Variants in PARD3 observed in about 807,000 individuals in gnomAD.
PARD3 encodes partitioning defective 3 homolog.
Under a neutral mutation model 155.4 loss-of-function variants are expected in PARD3, and 75 were observed. That is an observed-to-expected ratio of 0.48 (90% confidence interval 0.40 to 0.58). The LOEUF (loss-of-function observed/expected upper bound fraction) is 0.58. Among genes scored for constraint, PARD3 ranks in the 20% least tolerant of loss-of-function variants. The probability of loss-of-function intolerance (pLI) is 0.00; values close to 1 mark genes in which losing one functional copy is unlikely to be tolerated. For missense variants in PARD3, 1,642 were observed against 1,721.7 expected (o/e 0.95, Z 0.82); for synonymous variants, 576 against 610.5 (o/e 0.94, Z 0.83).
intron 5 of PARD3, among the ~76,000 whole-genome samples, chr10:34,441,203 G>A (rs183239378): frequency 2.9e-4 from 44 of 152,194 alleles, no homozygotes; most frequent in Non-Finnish European, 4.1e-4. Flanking sequence ...TTAAGAAAAC[G>A]AGATACCCAA....
chr10:34,572,353 AG>A (rs1186916783), intron 2 of PARD3, among the ~76,000 whole-genome samples: 1 of 152,208 alleles, frequency 6.6e-6, no homozygotes, highest in East Asian at 1.9e-4. Context: ...TAAAACCTAA[AG>A]AGGTGCAGAC....
chr10:34,803,265 A>C (rs1843000016), intron 1 of PARD3, among the ~76,000 whole-genome samples: 2 of 151,584 alleles, frequency 1.3e-5, no homozygotes, highest in African/African-American at 4.8e-5. Flanking sequence ...ACAAAAAAAA[A>C]AAAATAGAAG....
chr10:34,414,137 GC>G (rs1310120675), intron 5 of PARD3, among the ~76,000 whole-genome samples: 2 of 151,712 alleles, frequency 1.3e-5, no homozygotes, highest in Admixed American at 1.3e-4. Flanking sequence ...GGTCAACACT[GC>G]AGTGAGCTAT....
At chr10:34,366,342 AG>A in intron 12 of PARD3, among the ~76,000 whole-genome samples, 1 of 152,310 alleles carries the variant, frequency 6.6e-6, no homozygotes, top group South Asian at 2.1e-4. Context: ...TGAGCACATG[AG>A]GTAGGGTAGG....
intron 2 of PARD3, among the ~76,000 whole-genome samples, chr10:34,536,215 T>C (rs116185840): frequency 6.2e-4 from 94 of 152,280 alleles, no homozygotes; most frequent in African/African-American, 2.2e-3. Context: ...AAAAAAAAAT[T>C]TTTAATATTC....
intron 2 of PARD3, among the ~76,000 whole-genome samples, chr10:34,550,155 C>G (rs1322356340): frequency 6.6e-6 from 1 of 152,194 alleles, no homozygotes; most frequent in African/African-American, 2.4e-5. Context: ...GCTGGATGCA[C>G]ACATGCATGG....
At chr10:34,473,322 C>T (rs2078483360) in intron 3 of PARD3, among the ~76,000 whole-genome samples, 1 of 152,106 alleles carries the variant, frequency 6.6e-6, no homozygotes, top group Non-Finnish European at 1.5e-5. Context: ...ACATTTATGT[C>T]CACTGTCAAA....
At chr10:34,697,448 T>C (rs2094195496) in intron 1 of PARD3, among the ~76,000 whole-genome samples, 2 of 152,196 alleles carry the variant, frequency 1.3e-5, no homozygotes, top group South Asian at 2.1e-4. Flanking sequence ...CTGGACCCTG[T>C]TCCAGATCTA....
intron 2 of PARD3, among the ~76,000 whole-genome samples, chr10:34,630,806 T>G (rs1310534016): frequency 5.4e-5 from 5 of 93,200 alleles, no homozygotes; most frequent in Admixed American, 1.9e-4. Flanking sequence ...TAAACAGATT[T>G]ATTTATTTAT....
intron 1 of PARD3, among the ~76,000 whole-genome samples, chr10:34,771,365 C>T (rs1226033661): frequency 2.0e-5 from 3 of 152,162 alleles, no homozygotes; most frequent in Non-Finnish European, 4.4e-5. Flanking sequence ...CTATGCCCCC[C>T]ACACAGGATC....
chr10:34,129,694 A>C, intron 23 of PARD3, among the ~76,000 whole-genome samples: 5 of 54,540 alleles, frequency 9.2e-5, no homozygotes, highest in Admixed American at 3.0e-4. Flanking sequence ...TTGTAATGTC[A>C]AGCCTCTTTT....
At chr10:34,177,658 C>T (rs1950094097) in intron 22 of PARD3, among the ~76,000 whole-genome samples, 1 of 152,178 alleles carries the variant, frequency 6.6e-6, no homozygotes, top group African/African-American at 2.4e-5. Flanking sequence ...GCAAGACTCG[C>T]CTCCCAGGGC....
intron 1 of PARD3, among the ~76,000 whole-genome samples, chr10:34,802,673 G>A (rs1842929905): frequency 6.6e-6 from 1 of 152,110 alleles, no homozygotes; most frequent in Non-Finnish European, 1.5e-5. Flanking sequence ...AATTGCAGAA[G>A]GAGGTTTCCT....
intron 20 of PARD3, among the ~76,000 whole-genome samples, chr10:34,284,503 AAAC>A (rs887980271): frequency 3.9e-5 from 6 of 152,216 alleles, no homozygotes; most frequent in Non-Finnish European, 8.8e-5. Flanking sequence ...AAACAAAAAC[AAAC>A]AACAAGAGTT....
intron 11 of PARD3, 45 bp downstream of exon 11, chr10:34,374,829 G>C (rs1247818235): frequency 5.0e-6 from 8 of 1,595,806 alleles, no homozygotes; most frequent in Non-Finnish European, 6.0e-6. Context: ...CAGACCCCTG[G>C]CTGCTGCATA....
intron 19 of PARD3, among the ~76,000 whole-genome samples, chr10:34,318,176 T>C (rs1002428589): frequency 2.6e-5 from 4 of 152,178 alleles, no homozygotes; most frequent in Admixed American, 6.5e-5. Context: ...TTTTTGCAGT[T>C]GAAAGAACGA....
chr10:34,316,979 C>T (rs952574458), intron 20 of PARD3, 128 bp downstream of exon 20: 3 of 750,624 alleles, frequency 4.0e-6, no homozygotes, highest in Non-Finnish European at 5.9e-6. Flanking sequence ...CAGCATTCCT[C>T]CCAGTTCAGC....
At chr10:34,390,009 T>C (rs910172557) in intron 7 of PARD3, among the ~76,000 whole-genome samples, 1 of 152,226 alleles carries the variant, frequency 6.6e-6, no homozygotes, top group African/African-American at 2.4e-5. Context: ...GCGTATGTTA[T>C]AGTTCTTTAT....
chr10:34,635,308 A>G (rs1162432835), intron 2 of PARD3, among the ~76,000 whole-genome samples: 1 of 152,236 alleles, frequency 6.6e-6, no homozygotes, highest in Non-Finnish European at 1.5e-5. Flanking sequence ...GTATTGGGCA[A>G]TAAGTCAGCT....
Sources: gnomAD v4.1 joint callset for allele counts (sites outside exome capture counted in the v4.1 genomes callset) on GRCh38, gnomAD v4.1.1 for gene constraint, MANE v1.5 for transcripts, NCBI Gene and HGNC (gene_info 2026-07-23, HGNC 2026-07-21) for gene names.